The following SYNE1 variants were observed in gnomAD, a reference collection of about 807,000 sequenced individuals.
SYNE1 encodes nesprin-1.
Under a neutral mutation model 1,111.0 loss-of-function variants are expected in SYNE1, and 616 were observed. The observed-to-expected ratio is 0.55, with a 90% CI of 0.52 to 0.59. The LOEUF is 0.59. Ranked by LOEUF, SYNE1 falls within the 20% of genes least tolerant of loss-of-function variation. SYNE1 has a pLI of 0.00. For missense variants in SYNE1, 10,006 were observed against 10,417.0 expected (o/e 0.96, Z 1.72); for synonymous variants, 3,855 against 3,825.8 (o/e 1.01, Z -0.28).
intron 93 of SYNE1, among the ~76,000 whole-genome samples, chr6:152,296,974 G>C (rs1212944418): frequency 6.6e-6 from 1 of 152,042 alleles, no homozygotes; most frequent in Non-Finnish European, 1.5e-5. Flanking sequence ...CCCTGGCTCT[G>C]AATTTGCACA....
chr6:152,399,570 C>A (rs1428398073), intron 48 of SYNE1, 46 bp downstream of exon 48: 3 of 1,608,690 alleles, frequency 1.9e-6, no homozygotes, highest in Non-Finnish European at 2.6e-6. Flanking sequence ...GGTTTGGATT[C>A]TTTCTCGGAA....
chr6:152,415,280 C>A (rs1025212620), intron 41 of SYNE1, among the ~76,000 whole-genome samples: 2 of 152,202 alleles, frequency 1.3e-5, no homozygotes, highest in African/African-American at 4.8e-5. Flanking sequence ...CAAATGAACT[C>A]ACCTGACAAA....
chr6:152,597,845 G>A (rs951048542), intron 3 of SYNE1, among the ~76,000 whole-genome samples: 1 of 151,982 alleles, frequency 6.6e-6, no homozygotes, highest in Non-Finnish European at 1.5e-5. Flanking sequence ...TTTCGCTATA[G>A]CAACTATGGT....
At position 152,330,081 on chromosome 6, in the gene SYNE1, C is replaced by T; in HGVS notation, c.14604G>A (p.Leu4868=). The T allele has an allele frequency of 6.2e-7, 1 of 1,614,140 alleles. No individual in the cohort carries two copies. The highest frequency in any genetic ancestry group is 1.1e-5 in the South Asian group (1 of 91,084). Residue 4868 remains leucine (L), a synonymous_variant, in exon 78 of 146, where the codon TTG becomes TTA. Coordinates refer to ENST00000367255, the MANE Select transcript of SYNE1 (RefSeq NM_182961.4). The part of the protein sequence containing the change: ...IQSWQGELKL[L]TSAIGETVTE... Reference sequence around the variant, plus strand: ...TCACCGTCTCACCAATGGCAGAAGTCAACAGTTTTAACTCCCCTTGCCAGG... The same window carrying T: ...TCACCGTCTCACCAATGGCAGAAGTTAACAGTTTTAACTCCCCTTGCCAGG...
At chr6:152,429,827 G>A (rs2098411826) in intron 36 of SYNE1, among the ~76,000 whole-genome samples, 1 of 152,018 alleles carries the variant, frequency 6.6e-6, no homozygotes, top group Admixed American at 6.6e-5. Context: ...GAGGTAACAG[G>A]GTTGTTAAAG....
intron 53 of SYNE1, among the ~76,000 whole-genome samples, chr6:152,389,098 C>T (rs993175486): frequency 6.6e-6 from 1 of 152,156 alleles, no homozygotes; most frequent in Non-Finnish European, 1.5e-5. Flanking sequence ...AAAAAACCCT[C>T]CAAATTGTTA....
intron 74 of SYNE1, 23 bp downstream of exon 74, chr6:152,344,058 A>C (rs1230275010): frequency 1.2e-6 from 2 of 1,614,102 alleles, no homozygotes; most frequent in South Asian, 1.1e-5. Context: ...CAAGAATAAC[A>C]CAAACTTTCA....
intron 131 of SYNE1, among the ~76,000 whole-genome samples, chr6:152,156,858 C>T (rs977200530): frequency 1.3e-5 from 2 of 151,830 alleles, no homozygotes; most frequent in African/African-American, 4.8e-5. Context: ...GATGGAGTCT[C>T]ACTCTGTCAC....
rs534555416 is a variant in SYNE1 at position 152,600,100 on chromosome 6, T to C, written c.67+28165A>G. Among the ~76,000 whole-genome samples, 22 of 152,358 alleles carry C rather than the reference T, an allele frequency of 1.4e-4. No individual in the cohort carries two copies. In the South Asian group the frequency reaches 3.9e-3, roughly 27 times the overall value. ...CATCAGGACTGACGACTCCATTAAA[T>C]GCAGTAGCAGTTGACAAGCCCTATG... On this transcript the variant is annotated intron_variant, in intron 3 of 145. Transcript: ENST00000367255.
At chr6:152,410,362 G>A (rs1330586803) in intron 42 of SYNE1, 2 of 151,592 alleles carry the variant, frequency 1.3e-5, no homozygotes, top group African/African-American at 4.8e-5. Flanking sequence ...ACTTGGATGG[G>A]AGACCCTCTG....
At chr6:152,163,361 T>C (rs1586613725) in intron 131 of SYNE1, among the ~76,000 whole-genome samples, 3 of 152,208 alleles carry the variant, frequency 2.0e-5, no homozygotes, top group Non-Finnish European at 2.9e-5. Flanking sequence ...TAGCCAGGCA[T>C]GGTGGTGCAT....
chr6:152,258,700 T>C (rs1022855031), intron 101 of SYNE1, among the ~76,000 whole-genome samples: 1 of 152,068 alleles, frequency 6.6e-6, no homozygotes, highest in African/African-American at 2.4e-5. Flanking sequence ...TTCAAACTTT[T>C]GACCATGTTT....
At chr6:152,449,681 T>C in intron 27 of SYNE1, 40 bp from the exon 28 acceptor site, 1 of 1,408,814 alleles carries the variant, frequency 7.1e-7, no homozygotes, top group Non-Finnish European at 1.0e-6. Context: ...AGGGAGAACA[T>C]ACCAGAATGA....
chr6:152,125,308 A>C lies in SYNE1; in HGVS notation c.26154-2632T>G, dbSNP rs767753827. 8.4e-6 allele frequency: 13 copies of C among 1,550,350 alleles called. No individual in the cohort carries two copies. The African/African-American group carries it at 1.8e-4, about 21-fold the overall frequency. On this transcript the variant is annotated intron_variant, in intron 145 of 145. Transcript: ENST00000367255. ...GCAAAGAAGAGAATCCTGAACTTGC[A>C]TCCTAAAATATTTGGAAACAAGTGG...
chr6:152,187,495 C>T (rs765507015), intron 128 of SYNE1, among the ~76,000 whole-genome samples: 2 of 152,030 alleles, frequency 1.3e-5, no homozygotes, highest in African/African-American at 2.4e-5. Flanking sequence ...CATAAGAGCC[C>T]CCTCTCAACA....
At chr6:152,213,873 A>C (rs968261001) in intron 122 of SYNE1, 114 bp from the exon 123 acceptor site, 8 of 1,456,214 alleles carry the variant, frequency 5.5e-6, no homozygotes, top group Non-Finnish European at 7.6e-6. Context: ...AACCACCACA[A>C]AGCTTTCATG....
At chr6:152,535,111 T>C (rs1438167018) in intron 4 of SYNE1, among the ~76,000 whole-genome samples, 6 of 152,196 alleles carry the variant, frequency 3.9e-5, no homozygotes, top group African/African-American at 1.4e-4. Flanking sequence ...GCATGGGTCC[T>C]AATCCAATAT....
At chr6:152,334,870 C>T (rs796170286) in intron 76 of SYNE1, among the ~76,000 whole-genome samples, 57 of 152,254 alleles carry the variant, frequency 3.7e-4, no homozygotes, top group African/African-American at 1.2e-3. Flanking sequence ...AAGATGGAGT[C>T]GCTCTGGTTT....
At chr6:152,140,973 T>TGG (rs1214436282) in intron 139 of SYNE1, among the ~76,000 whole-genome samples, 1 of 152,088 alleles carries the variant, frequency 6.6e-6, no homozygotes, top group African/African-American at 2.4e-5. Context: ...AGGCGGAACT[T>TGG]GCAGTGAGCC....
Sources: allele counts gnomAD v4.1 joint callset (sites outside exome capture counted in the v4.1 genomes callset), GRCh38; gene constraint gnomAD v4.1.1; transcripts MANE v1.5; gene names NCBI Gene and HGNC (gene_info 2026-07-23, HGNC 2026-07-21).